ST7L: variants seen among roughly 807,000 people sequenced by gnomAD.
ST7L encodes suppression of tumorigenicity 7 like.
A neutral mutation model predicts 72.5 loss-of-function variants in ST7L; 57 were observed. The ratio of observed to expected loss-of-function variants is 0.79; its 90% CI spans 0.64 to 0.98. The LOEUF (loss-of-function observed/expected upper bound fraction) is 0.98, where lower values mean the gene tolerates loss of function less well. Ranked by LOEUF, ST7L falls within the 50% of genes least tolerant of loss-of-function variation. The pLI is 0.00. For missense variants in ST7L, 576 were observed against 672.2 expected, an observed-to-expected ratio of 0.86 and a Z score of 1.58; for synonymous variants, 221 against 240.9, an observed-to-expected ratio of 0.92 and a Z score of 0.77.
In ST7L at chr1:112,619,135, A is replaced by C; in HGVS notation, c.-22T>G. The C allele has an allele frequency of 6.2e-7, 1 of 1,609,756 alleles. No homozygotes were observed. Among genetic ancestry groups the C allele is most frequent in the Non-Finnish European group, 8.5e-7 (1 of 1,177,958 alleles). On this transcript the variant is annotated 5_prime_UTR_variant, in exon 1 of 15. Transcript: ENST00000358039. ...CCATCTTGCCGCTATCGCAGGCGCC[A>C]GGAGCTGGGAGGGGAGAAGGACAGG...
At position 112,555,897 on chromosome 1, in the gene ST7L, AGAGCACC is replaced by A. The variant is rs1266761763; in HGVS notation, c.1360_1366del (p.Gly454LeufsTer14). ...TTCCCATGTACACTGTAACAGATTA[AGAGCACC>A]TTCTATTCGTTTCCAGTGCTGAAGA... On this transcript the variant is annotated frameshift_variant, in exon 12 of 15. Coordinates refer to ENST00000358039, the MANE Select transcript of ST7L (RefSeq NM_017744.5). LOFTEE classifies it high-confidence loss of function. 2 of 1,607,658 alleles carry A rather than the reference AGAGCACC, an allele frequency of 1.2e-6. No individual in the cohort carries two copies. The highest frequency in any genetic ancestry group is 1.7e-6 in the Non-Finnish European group (2 of 1,176,520).
At chr1:112,539,985 A>G in intron 14 of ST7L, 1 of 985,406 alleles carries the variant, frequency 1.0e-6, no homozygotes, top group African/African-American at 1.7e-5. Context: ...TCTGAAAAAG[A>G]AGCTTCCATT....
At chr1:112,582,575 C>A in intron 7 of ST7L, 103 bp from the exon 8 acceptor site, 1 of 586,446 alleles carries the variant, frequency 1.7e-6, no homozygotes, top group Non-Finnish European at 2.8e-6. Flanking sequence ...TTGGAAGAGT[C>A]AATTAAAATT....
At chr1:112,556,988 A>AAAAAAAAAAAAAAAG (rs1659284000) in intron 11 of ST7L, among the ~76,000 whole-genome samples, 1 of 142,122 alleles carries the variant, frequency 7.0e-6, no homozygotes, top group African/African-American at 2.9e-5. Flanking sequence ...AAAAAAACAA[A>AAAAAAAAAAAAAAAG]AAAAAAAAAA....
intron 3 of ST7L, among the ~76,000 whole-genome samples, chr1:112,603,984 G>GC (rs1244429153): frequency 6.6e-6 from 1 of 152,052 alleles, no homozygotes; most frequent in Non-Finnish European, 1.5e-5. Flanking sequence ...TCTGGCCCTG[G>GC]CCCCCCAAAA....
intron 6 of ST7L, among the ~76,000 whole-genome samples, chr1:112,584,373 T>G (rs1262540554): frequency 3.3e-5 from 5 of 151,880 alleles, no homozygotes; most frequent in South Asian, 2.1e-4. Context: ...AAAAACAAAA[T>G]TTTTAAACTT....
intron 1 of ST7L, 194 bp downstream of exon 1, chr1:112,618,715 A>C (rs960985921): frequency 8.2e-7 from 1 of 1,218,800 alleles, no homozygotes. Flanking sequence ...AGTTCTACGG[A>C]GGAGCCGGTA....
At chr1:112,588,920 A>G (rs1317243556) in intron 6 of ST7L, among the ~76,000 whole-genome samples, 2 of 152,022 alleles carry the variant, frequency 1.3e-5, no homozygotes, top group African/African-American at 4.8e-5. Context: ...CTCTGGTCAT[A>G]TTTCTTTACT....
intron 13 of ST7L, 73 bp from the exon 14 acceptor site, chr1:112,542,163 G>T: frequency 1.5e-6 from 2 of 1,379,036 alleles, no homozygotes; most frequent in Non-Finnish European, 1.9e-6. Context: ...CTTTTCAAAT[G>T]AAATCTGTTT....
Position 112,589,926 on chromosome 1 carries a change from T to C in ST7L, c.701+1599A>G, listed in dbSNP as rs191230942. The stretch of plus-strand genomic sequence containing the variant: ...GATTCCCAGAAACATGTGGGAGCTT[T>C]TTAGAGCCTTTATTCCTCAAAGTGT... On this transcript the variant is annotated intron_variant, in intron 6 of 14. Coordinates refer to ENST00000358039, the MANE Select transcript of ST7L (RefSeq NM_017744.5). 5.1e-4 allele frequency among the ~76,000 whole-genome samples: 77 copies of C among 152,344 alleles called. 1 individual carries two copies. The highest frequency in any genetic ancestry group is 1.7e-3 in the African/African-American group (71 of 41,586).
At chr1:112,533,887 C>T (rs911799168) in intron 14 of ST7L, among the ~76,000 whole-genome samples, 6 of 151,224 alleles carry the variant, frequency 4.0e-5, no homozygotes, top group African/African-American at 1.5e-4. Context: ...CTGTAATTGC[C>T]CAGGCTGGTC....
chr1:112,563,958 A>G (rs528707443), intron 11 of ST7L, among the ~76,000 whole-genome samples: 6 of 152,300 alleles, frequency 3.9e-5, no homozygotes, highest in Admixed American at 6.5e-5. Context: ...ATCTCTCTGA[A>G]GGCATCTGAA....
In ST7L at chr1:112,542,063, T is replaced by A; in HGVS notation, c.1517A>T (p.Lys506Ile). 1 of 1,611,744 alleles carries A rather than the reference T, an allele frequency of 6.2e-7. No individual in the cohort carries two copies. The highest frequency in any genetic ancestry group is 8.5e-7 in the Non-Finnish European group (1 of 1,179,222). ...PTFHHVSVYP[K>I]KELPLFIHFT... is the part of the protein sequence containing the mutation. ...ATGGATGAACAAAGGAAGCTCCTTT[T>A]TTGGGTAAACAGAAACATGATGAAA... The change falls in exon 14 of 15, where the codon AAA becomes ATA. Residue 506 changes from lysine (K) to isoleucine (I), a missense_variant. Transcript: ENST00000358039.
Position 112,525,717 on chromosome 1 carries a change from C to A in ST7L, c.*296G>T. On this transcript the variant is annotated 3_prime_UTR_variant, in exon 15 of 15. Coordinates refer to ENST00000358039, the MANE Select transcript of ST7L (RefSeq NM_017744.5). ...CTCTTTGACCAAAGGAGCCAAAATG[C>A]GGTGACTTGACTTCAACCCCAACAG... is the stretch of plus-strand genomic sequence containing the variant. The A allele has an allele frequency of 4.0e-6, 1 of 251,666 alleles. No homozygotes were observed. The highest frequency in any genetic ancestry group is 7.7e-6 in the Non-Finnish European group (1 of 130,330). 15.6% of individuals were successfully genotyped at this position (251,666 alleles called of 1,614,324 possible). A position where few individuals can be genotyped will look rare whatever the true frequency, so the allele number is the denominator to read the frequency against.
chr1:112,571,492 T>C, intron 11 of ST7L: 1 of 239,606 alleles, frequency 4.2e-6, no homozygotes, highest in Non-Finnish European at 8.3e-6. Flanking sequence ...AATGGCATGA[T>C]CTTGGCTCAC....
At chr1:112,592,196 G>A (rs1009918642) in intron 5 of ST7L, among the ~76,000 whole-genome samples, 1 of 151,918 alleles carries the variant, frequency 6.6e-6, no homozygotes, top group Non-Finnish European at 1.5e-5. Context: ...TATTAATTTT[G>A]CTACCAATTT....
chr1:112,605,088 C>CAAAA (rs35373735), intron 3 of ST7L, among the ~76,000 whole-genome samples: 1 of 61,282 alleles, frequency 1.6e-5, no homozygotes, highest in African/African-American at 6.0e-5. Flanking sequence ...ACTCCGGCTC[C>CAAAA]AAAAAAAAAA....
At chr1:112,571,148 T>G (rs1411362906) in intron 11 of ST7L, 5 of 369,236 alleles carry the variant, frequency 1.4e-5, no homozygotes, top group Non-Finnish European at 2.6e-5. Context: ...CCAGCCTGGA[T>G]GACAGAGCGA....
intron 5 of ST7L, among the ~76,000 whole-genome samples, chr1:112,597,449 A>G (rs986200049): frequency 3.3e-5 from 5 of 152,166 alleles, no homozygotes; most frequent in African/African-American, 9.7e-5. Flanking sequence ...AAATCAATCA[A>G]TCAATCAGCC....
Sources: gnomAD v4.1 joint callset for allele counts (sites outside exome capture counted in the v4.1 genomes callset) on GRCh38, gnomAD v4.1.1 for gene constraint, MANE v1.5 for transcripts, NCBI Gene and HGNC (gene_info 2026-07-23, HGNC 2026-07-21) for gene names.